Variants in RALGPS1 observed in about 807,000 individuals in gnomAD.
RALGPS1 encodes the protein Ral GEF with PH domain and SH3 binding motif 1, also known as ras-specific guanine nucleotide-releasing factor RalGPS1.
In RALGPS1, 19 loss-of-function variants were observed where a neutral mutation model predicts 78.8. The observed-to-expected ratio is 0.24, with a 90% CI of 0.17 to 0.35. RALGPS1 has a LOEUF of 0.35. RALGPS1 is among the 10% of genes least tolerant of loss of function. The pLI, the probability that RALGPS1 is intolerant of heterozygous loss-of-function variation, is 1.00. For synonymous variants in RALGPS1, 228 were observed against 256.3 expected, an observed-to-expected ratio of 0.89 and a Z score of 1.06; for missense variants, 454 against 688.3, an observed-to-expected ratio of 0.66 and a Z score of 3.81.
intron 4 of RALGPS1, among the ~76,000 whole-genome samples, chr9:127,026,470 GT>G (rs1400557551): frequency 6.6e-6 from 1 of 152,104 alleles, no homozygotes; most frequent in Non-Finnish European, 1.5e-5. Context: ...CAATTGGGTT[GT>G]TTGACTTCTA....
At chr9:126,918,072 G>T (rs1449301143) in intron 1 of RALGPS1, among the ~76,000 whole-genome samples, 1 of 152,200 alleles carries the variant, frequency 6.6e-6, no homozygotes, top group African/African-American at 2.4e-5. Context: ...CTGGAAAGAA[G>T]GTGTGGCAAG....
intron 8 of RALGPS1, among the ~76,000 whole-genome samples, chr9:127,143,345 A>G (rs1270034669): frequency 6.6e-6 from 1 of 152,214 alleles, no homozygotes; most frequent in Non-Finnish European, 1.5e-5. Flanking sequence ...ATTTCACCAC[A>G]ACCCTGCTAG....
intron 4 of RALGPS1, among the ~76,000 whole-genome samples, chr9:126,990,472 C>T (rs2042184323): frequency 2.0e-5 from 3 of 152,356 alleles, no homozygotes; most frequent in Admixed American, 6.5e-5. Flanking sequence ...CATGCAGCCT[C>T]CCAGGCTCTG....
At chr9:126,959,670 C>G (rs1281721162) in intron 1 of RALGPS1, among the ~76,000 whole-genome samples, 1 of 151,766 alleles carries the variant, frequency 6.6e-6, no homozygotes, top group Non-Finnish European at 1.5e-5. Context: ...ATGAACTCCT[C>G]TATACCCTCT....
chr9:127,188,493 G>A (rs992735581), intron 11 of RALGPS1, among the ~76,000 whole-genome samples: 2 of 152,078 alleles, frequency 1.3e-5, no homozygotes, highest in Non-Finnish European at 2.9e-5. Flanking sequence ...GTCAGATCCT[G>A]TTCTTGAGAT....
At chr9:127,073,752 C>T (rs1433175082) in intron 8 of RALGPS1, among the ~76,000 whole-genome samples, 1 of 152,158 alleles carries the variant, frequency 6.6e-6, no homozygotes, top group East Asian at 1.9e-4. Context: ...TTCTTGCCAG[C>T]ATGTTATTTT....
rs541395628 is a variant in RALGPS1 at position 127,104,990 on chromosome 9, G to A, written c.610+35634G>A. ...GCTCATTGGATGCCCTGACTGTTCC[G>A]TGCAGAGAGACCATCTGTTTTTTCC... On this transcript the variant is annotated intron_variant, in intron 8 of 18. Transcript: ENST00000259351. Among the ~76,000 whole-genome samples the A allele has an allele frequency of 8.5e-5, 13 of 152,202 alleles. No individual in the cohort carries two copies. In the East Asian group the frequency reaches 1.5e-3, roughly 18 times the overall value.
intron 8 of RALGPS1, among the ~76,000 whole-genome samples, chr9:127,085,414 C>T (rs2051605198): frequency 6.6e-6 from 1 of 152,192 alleles, no homozygotes; most frequent in Non-Finnish European, 1.5e-5. Flanking sequence ...AGGATGCTGA[C>T]TGGCTGTCTT....
intron 8 of RALGPS1, among the ~76,000 whole-genome samples, chr9:127,077,227 A>G (rs1305453066): frequency 6.6e-6 from 1 of 152,160 alleles, no homozygotes; most frequent in African/African-American, 2.4e-5. Context: ...GGAGGAGTGA[A>G]GGCCAGTTAG....
At chr9:126,979,384 T>C (rs2041019760) in intron 4 of RALGPS1, among the ~76,000 whole-genome samples, 1 of 152,154 alleles carries the variant, frequency 6.6e-6, no homozygotes, top group East Asian at 1.9e-4. Context: ...TATGATCCAT[T>C]ATTTCTAATC....
At chr9:127,108,078 G>A (rs1219056486) in intron 8 of RALGPS1, 26 of 1,610,460 alleles carry the variant, frequency 1.6e-5, no homozygotes, top group African/African-American at 2.7e-5. Flanking sequence ...GCGGGGCAGC[G>A]GGGGGTGGCT....
intron 8 of RALGPS1, among the ~76,000 whole-genome samples, chr9:127,083,092 T>C (rs1381333258): frequency 1.3e-5 from 2 of 152,216 alleles, no homozygotes; most frequent in African/African-American, 2.4e-5. Flanking sequence ...TGGCAAAATA[T>C]GGTCCTGGAG....
intron 1 of RALGPS1, 67 bp from the exon 2 acceptor site, chr9:126,962,158 C>T (rs549070309): frequency 1.2e-6 from 1 of 816,304 alleles, no homozygotes; most frequent in South Asian, 1.6e-5. Flanking sequence ...TCTGGTACAA[C>T]TTTTGCCTGG....
intron 8 of RALGPS1, among the ~76,000 whole-genome samples, chr9:127,150,606 G>A (rs769115180): frequency 4.6e-5 from 7 of 152,176 alleles, no homozygotes; most frequent in Non-Finnish European, 1.0e-4. Flanking sequence ...TGAGATGCTC[G>A]TGCTCAGGGA....
chr9:127,213,231 C>T (rs536861135), intron 17 of RALGPS1, among the ~76,000 whole-genome samples, 182 bp downstream of exon 17: 5 of 152,350 alleles, frequency 3.3e-5, no homozygotes, highest in African/African-American at 1.2e-4. Flanking sequence ...TTGGCATGTC[C>T]ATTGAGAAGG....
intron 8 of RALGPS1, among the ~76,000 whole-genome samples, chr9:127,104,873 A>G (rs2054068285): frequency 6.6e-6 from 1 of 152,200 alleles, no homozygotes; most frequent in Admixed American, 6.5e-5. Context: ...AGAACAAAGG[A>G]TCTGTTGGGT....
intron 8 of RALGPS1, among the ~76,000 whole-genome samples, chr9:127,121,881 G>A (rs142589903): frequency 3.0e-4 from 45 of 152,276 alleles, no homozygotes; most frequent in African/African-American, 9.4e-4. Flanking sequence ...ACATTGTCCC[G>A]GCCTGGGGGC....
chr9:126,958,926 G>A lies in RALGPS1; in HGVS notation c.-65-3299G>A, dbSNP rs551068666. 2.0e-5 allele frequency among the ~76,000 whole-genome samples: 3 copies of A among 152,202 alleles called. No individual in the cohort carries two copies. The South Asian group carries it at 6.2e-4, about 32-fold the overall frequency. On this transcript the variant is annotated intron_variant, in intron 1 of 18. Coordinates refer to ENST00000259351, the MANE Select transcript of RALGPS1 (RefSeq NM_014636.3). ...TCTCTGCACATTTTTGCCAATACTT[G>A]TTATGGCCTGTTGTTGTTGTTTTCT...
intron 1 of RALGPS1, among the ~76,000 whole-genome samples, chr9:126,960,168 C>CTCCCTCCCTCCCTCCCTCCCTCCCTTCCT (rs1246674858): frequency 1.1e-5 from 1 of 89,156 alleles, no homozygotes; most frequent in Non-Finnish European, 2.2e-5. Flanking sequence ...CCTTCCTTCC[C>CTCCCTCCCTCCCTCCCTCCCTCCCTTCCT]TCCCTCCCTC....
Sources: gnomAD v4.1 joint callset for allele counts (sites outside exome capture counted in the v4.1 genomes callset) on GRCh38, gnomAD v4.1.1 for gene constraint, MANE v1.5 for transcripts, NCBI Gene and HGNC (gene_info 2026-07-23, HGNC 2026-07-21) for gene names.